The following AGBL4 variants were observed in gnomAD, a reference collection of about 807,000 sequenced individuals.
AGBL4 encodes the protein cytosolic carboxypeptidase 6.
Under a neutral mutation model 66.4 loss-of-function variants are expected in AGBL4, and 58 were observed. That is an observed-to-expected ratio of 0.87 (90% CI 0.71 to 1.09). The LOEUF is 1.09. Ranked by LOEUF, AGBL4 falls within the 50% of genes least tolerant of loss-of-function variation. The pLI is 0.00. For synonymous variants in AGBL4, 234 were observed against 222.9 expected, an observed-to-expected ratio of 1.05 and a Z score of -0.44; for missense variants, 579 against 631.0, an observed-to-expected ratio of 0.92 and a Z score of 0.88.
chr1:49,464,536 TGAA>T (rs1014477787), intron 3 of AGBL4, among the ~76,000 whole-genome samples: 1 of 151,710 alleles, frequency 6.6e-6, no homozygotes, highest in Non-Finnish European at 1.5e-5. Context: ...AAGCCCAAAA[TGAA>T]GAAAGCTTTA....
chr1:48,750,228 C>T (rs1325608350), intron 6 of AGBL4, among the ~76,000 whole-genome samples: 1 of 152,172 alleles, frequency 6.6e-6, no homozygotes, highest in Non-Finnish European at 1.5e-5. Context: ...CCCCAGCCCA[C>T]TCCAATGGGG....
chr1:49,179,888 CTTTATTTT>C, intron 4 of AGBL4, among the ~76,000 whole-genome samples: 1 of 151,982 alleles, frequency 6.6e-6, no homozygotes, highest in Middle Eastern at 3.4e-3. Flanking sequence ...TACTTAACAT[CTTTATTTT>C]TTTTATTTTT....
chr1:49,871,438 G>A (rs1646836112), intron 1 of AGBL4, among the ~76,000 whole-genome samples: 1 of 151,986 alleles, frequency 6.6e-6, no homozygotes, highest in Non-Finnish European at 1.5e-5. Flanking sequence ...CACTTTGGCT[G>A]AGTGAATGAC....
At chr1:49,596,898 A>G (rs1320376633) in intron 3 of AGBL4, among the ~76,000 whole-genome samples, 1 of 152,232 alleles carries the variant, frequency 6.6e-6, no homozygotes, top group Non-Finnish European at 1.5e-5. Context: ...TCTCACAACC[A>G]TTAGTAACTC....
At chr1:48,813,946 C>A (rs1455753585) in intron 6 of AGBL4, among the ~76,000 whole-genome samples, 1 of 151,728 alleles carries the variant, frequency 6.6e-6, no homozygotes, top group Non-Finnish European at 1.5e-5. Flanking sequence ...GATTTGGAGC[C>A]AAAATCCTAG....
At chr1:48,841,678 A>C (rs763120244) in intron 6 of AGBL4, among the ~76,000 whole-genome samples, 6 of 152,042 alleles carry the variant, frequency 3.9e-5, no homozygotes, top group Non-Finnish European at 8.8e-5. Context: ...GGCCTCCATA[A>C]ACCATGAGAT....
At chr1:49,271,655 C>G (rs1644061959) in intron 3 of AGBL4, among the ~76,000 whole-genome samples, 1 of 151,988 alleles carries the variant, frequency 6.6e-6, no homozygotes, top group Non-Finnish European at 1.5e-5. Context: ...TGTATTTGGT[C>G]TGTCTGTTCA....
At chr1:49,825,441 A>G (rs971770615) in intron 2 of AGBL4, among the ~76,000 whole-genome samples, 1 of 152,202 alleles carries the variant, frequency 6.6e-6, no homozygotes, top group Non-Finnish European at 1.5e-5. Context: ...AAGACAGTTC[A>G]TTATTCCACA....
intron 5 of AGBL4, among the ~76,000 whole-genome samples, chr1:48,940,936 G>A (rs1203338088): frequency 1.3e-5 from 2 of 152,166 alleles, no homozygotes; most frequent in Non-Finnish European, 2.9e-5. Flanking sequence ...CTTTTCAGGG[G>A]TTCTGACAAA....
At chr1:49,397,401 T>C (rs1437645370) in intron 3 of AGBL4, among the ~76,000 whole-genome samples, 1 of 152,182 alleles carries the variant, frequency 6.6e-6, no homozygotes. Flanking sequence ...GTGAAGCAGG[T>C]GCTTTCTTCA....
intron 6 of AGBL4, among the ~76,000 whole-genome samples, chr1:48,718,326 T>G (rs937588400): frequency 2.0e-5 from 3 of 152,194 alleles, no homozygotes; most frequent in African/African-American, 7.2e-5. Flanking sequence ...CAGGCTGGGC[T>G]ACACAGTGTT....
chr1:49,762,778 G>A (rs1652437168), intron 2 of AGBL4, among the ~76,000 whole-genome samples: 1 of 152,076 alleles, frequency 6.6e-6, no homozygotes, highest in African/African-American at 2.4e-5. Flanking sequence ...TCTTTATATA[G>A]TCTGTTTATT....
At chr1:49,223,258 T>C (rs182609180) in intron 4 of AGBL4, among the ~76,000 whole-genome samples, 2 of 152,184 alleles carry the variant, frequency 1.3e-5, no homozygotes, top group East Asian at 3.9e-4. Context: ...AAGGAAAATA[T>C]TGAATAACAG....
At chr1:48,803,611 A>G (rs1272076848) in intron 6 of AGBL4, among the ~76,000 whole-genome samples, 1 of 152,226 alleles carries the variant, frequency 6.6e-6, no homozygotes, top group Non-Finnish European at 1.5e-5. Context: ...ATTCTGGGGA[A>G]GGTACAGATC....
chr1:49,690,795 T>G (rs1053581821), intron 3 of AGBL4, among the ~76,000 whole-genome samples: 2 of 152,222 alleles, frequency 1.3e-5, no homozygotes, highest in Non-Finnish European at 2.9e-5. Context: ...GCACTGTTCC[T>G]ATGGACCAGG....
At chr1:48,863,192 G>A (rs576189692) in intron 6 of AGBL4, among the ~76,000 whole-genome samples, 50 of 152,146 alleles carry the variant, frequency 3.3e-4, no homozygotes, top group African/African-American at 1.0e-3. Flanking sequence ...CTAGAAAGTC[G>A]CAGTAACTGT....
chr1:48,713,927 T>C (rs1647006504), intron 6 of AGBL4, among the ~76,000 whole-genome samples: 1 of 152,220 alleles, frequency 6.6e-6, no homozygotes, highest in Admixed American at 6.5e-5. Context: ...CTTCCCATTT[T>C]ACAGCTGAGG....
At chr1:49,178,054 G>C (rs914362092) in intron 4 of AGBL4, among the ~76,000 whole-genome samples, 5 of 152,092 alleles carry the variant, frequency 3.3e-5, no homozygotes, top group African/African-American at 1.2e-4. Flanking sequence ...GAGGCCAAAT[G>C]ACAGAGTCTA....
intron 4 of AGBL4, among the ~76,000 whole-genome samples, chr1:49,164,175 G>T (rs141568171): frequency 1.6e-4 from 24 of 152,196 alleles, no homozygotes; most frequent in African/African-American, 5.8e-4. Context: ...TGTAAGGGTC[G>T]TGTAGGAGTG....
Sources: gnomAD v4.1 joint callset for allele counts (sites outside exome capture counted in the v4.1 genomes callset) on GRCh38, gnomAD v4.1.1 for gene constraint, MANE v1.5 for transcripts, NCBI Gene and HGNC (gene_info 2026-07-23, HGNC 2026-07-21) for gene names.